CDK11B: variants seen among roughly 807,000 people sequenced by gnomAD.
CDK11B encodes the protein cyclin-dependent kinase 11B.
CDK11B carries 37 observed loss-of-function variants against 84.0 expected under a neutral mutation model. The observed-to-expected ratio is 0.44, with a 90% CI of 0.34 to 0.58. CDK11B has a LOEUF of 0.58. Among genes scored for constraint, CDK11B ranks in the 20% least tolerant of loss-of-function variants. The pLI, the probability that CDK11B is intolerant of heterozygous loss-of-function variation, is 0.02. For missense variants in CDK11B, 427 were observed against 834.0 expected (o/e 0.51, Z 6.01); for synonymous variants, 269 against 309.8 (o/e 0.87, Z 1.38).
At position 1,638,036 on chromosome 1, in the gene CDK11B, G is replaced by C. The variant is rs571296499; in HGVS notation, c.1343-153C>G. Among the ~76,000 whole-genome samples, 5 of 152,302 alleles carry C rather than the reference G, an allele frequency of 3.3e-5. No homozygotes were observed. In the South Asian group the frequency reaches 1.0e-3, roughly 32 times the overall value. ...AGGTGGGGGCACGTGGGCACCAGGAGAACGCCCCAGCTGAGGTCTGGGCAA... is the reference window on the plus strand; with the variant it reads ...AGGTGGGGGCACGTGGGCACCAGGACAACGCCCCAGCTGAGGTCTGGGCAA... On this transcript the variant is annotated intron_variant, in intron 12 of 19. Coordinates refer to ENST00000341832, the MANE Select transcript of CDK11B (RefSeq NM_033486.3).
rs1463473414 is a variant in CDK11B, at chr1:1,650,066, C to T, written c.356-429G>A. ...AGGTGGGCGGATCACAAGGTCAGAT[C>T]GGGACCATCCTGGCTAACACGGTGA... is the stretch of plus-strand genomic sequence containing the variant. On this transcript the variant is annotated intron_variant, in intron 4 of 19. Coordinates refer to ENST00000341832, the MANE Select transcript of CDK11B (RefSeq NM_033486.3). Among the ~76,000 whole-genome samples the T allele has an allele frequency of 1.5e-3, 229 of 150,472 alleles. 3 individuals are homozygous for T. In the East Asian group the frequency reaches 0.026, roughly 17 times the overall value.
Position 1,650,405 on chromosome 1 carries a change from G to C in CDK11B, c.356-768C>G, listed in dbSNP as rs1279476075. Among the ~76,000 whole-genome samples, 180 of 125,426 alleles carry C rather than the reference G, an allele frequency of 1.4e-3. 1 individual carries two copies. The highest frequency in any genetic ancestry group is 0.012 in the East Asian group (53 of 4,242). The allele number at this position is 125,426 out of a possible 152,430, so 82.3% of individuals were successfully genotyped here. A position where few individuals can be genotyped will look rare whatever the true frequency, so the allele number is the denominator to read the frequency against. Reference sequence around the variant, plus strand: ...TTTGGAGATGGAGTCTTGCTCTGTCGCCCAGGCTGGAGTGCAGTGGCGCAA... The same window carrying C: ...TTTGGAGATGGAGTCTTGCTCTGTCCCCCAGGCTGGAGTGCAGTGGCGCAA... On this transcript the variant is annotated intron_variant, in intron 4 of 19. Coordinates refer to ENST00000341832, the MANE Select transcript of CDK11B (RefSeq NM_033486.3).
chr1:1,636,700 C>T lies in CDK11B; in HGVS notation c.1899G>A (p.Gln633=). Residue 633 remains glutamine, a synonymous_variant, in exon 17 of 20, where the codon CAG becomes CAA. Coordinates refer to ENST00000341832, the MANE Select transcript of CDK11B (RefSeq NM_033486.3). ...GACCCACCTTGAACACCTTGTTGATCTGATCGATTTCTGACTTCCCGGGGA... is the reference window on the plus strand; with the variant it reads ...GACCCACCTTGAACACCTTGTTGATTTGATCGATTTCTGACTTCCCGGGGA... ...PLFPGKSEID[Q]INKVFKDLGT... is the part of the protein sequence containing the mutation. 1 of 1,614,020 alleles carries T rather than the reference C, an allele frequency of 6.2e-7. No individual in the cohort carries two copies. Among genetic ancestry groups the T allele is most frequent in the Non-Finnish European group, 8.5e-7 (1 of 1,179,880 alleles).
chr1:1,645,466 C>T (rs1640940196), intron 5 of CDK11B: 1 of 496,206 alleles, frequency 2.0e-6, no homozygotes, highest in African/African-American at 2.2e-5. Flanking sequence ...CAACCTCCGC[C>T]TCCCGGGTTC....
At chr1:1,638,093 A>C (rs1329543004) in intron 12 of CDK11B, among the ~76,000 whole-genome samples, 9 of 152,226 alleles carry the variant, frequency 5.9e-5, no homozygotes, top group African/African-American at 2.2e-4. Context: ...CACACCACAG[A>C]CACTCACAGC....
intron 3 of CDK11B, among the ~76,000 whole-genome samples, chr1:1,653,139 C>T (rs1475792923): frequency 6.6e-6 from 1 of 152,202 alleles, no homozygotes; most frequent in Non-Finnish European, 1.5e-5. Context: ...ATTCTCCTGC[C>T]TCTGCCTAAG....
At chr1:1,639,837 A>T (rs1040839240) in intron 11 of CDK11B, among the ~76,000 whole-genome samples, 1 of 152,002 alleles carries the variant, frequency 6.6e-6, no homozygotes, top group African/African-American at 2.4e-5. Flanking sequence ...GCCTAAGCAA[A>T]AGGCTTCTGG....
intron 11 of CDK11B, among the ~76,000 whole-genome samples, chr1:1,639,217 A>T (rs1639869823): frequency 6.6e-6 from 1 of 151,784 alleles, no homozygotes; most frequent in African/African-American, 2.4e-5. Flanking sequence ...CTGGGATTAC[A>T]GGTGTGAGCC....
In CDK11B at chr1:1,640,308, T is replaced by G; in HGVS notation, c.1220A>C (p.Gln407Pro). The G allele has an allele frequency of 6.2e-7, 1 of 1,613,654 alleles. No individual in the cohort carries two copies. The change falls in exon 11 of 20, where the codon CAG becomes CCG. Residue 407 changes from glutamine to proline, a missense_variant. Transcript: ENST00000341832. ...GGCCGGCAGGTACTTGGGCAGCTCC[T>G]GCTTGAGCTCGATGGGCGACAGGGC... ...SPALSPIELK[Q>P]ELPKYLPALQ...
intron 9 of CDK11B, among the ~76,000 whole-genome samples, 177 bp from the exon 10 acceptor site, chr1:1,641,290 CCT>C: frequency 6.8e-6 from 1 of 146,966 alleles, no homozygotes. Flanking sequence ...GGGTGGATCA[CCT>C]GAGGTCAGGA....
intron 17 of CDK11B, 91 bp from the exon 18 acceptor site, chr1:1,636,572 C>A: frequency 1.3e-6 from 2 of 1,572,122 alleles, no homozygotes; most frequent in South Asian, 2.3e-5. Flanking sequence ...ACCAGGAGGG[C>A]TCTCAGTGGC....
intron 3 of CDK11B, among the ~76,000 whole-genome samples, chr1:1,654,440 C>A (rs1054769250): frequency 6.6e-6 from 1 of 152,050 alleles, no homozygotes; most frequent in Non-Finnish European, 1.5e-5. Context: ...TTTAGTTTTT[C>A]TCATCTTCTT....
chr1:1,638,721 G>C (rs1193804815), intron 11 of CDK11B, 131 bp from the exon 12 acceptor site: 1 of 877,544 alleles, frequency 1.1e-6, no homozygotes, highest in African/African-American at 1.6e-5. Context: ...GCCGGGGGTG[G>C]AGCCGGGAGC....
intron 2 of CDK11B, 79 bp from the exon 3 acceptor site, chr1:1,655,563 T>G (rs1484741214): frequency 1.4e-6 from 2 of 1,466,628 alleles, no homozygotes; most frequent in African/African-American, 2.9e-5. Context: ...TTAATGATAA[T>G]CAAACCTGGG....
rs1295978790 is a variant in CDK11B, at chr1:1,636,777, T to A, written c.1822A>T (p.Met608Leu). Residue 608 changes from methionine to leucine, a missense_variant, in exon 17 of 20, where the codon ATG becomes TTG. Met to Leu is a conservative substitution (Grantham distance 15). Around this residue, in one of 12 missense-constraint regions of CDK11B, gnomAD observed 170 missense variants for 196.0 expected, o/e 0.87. Coordinates refer to ENST00000341832, the MANE Select transcript of CDK11B (RefSeq NM_033486.3). ...GAKEYSTAVD[M>L]WSVGCIFGEL... ...CCGAAGATGCAACCCACTGACCACA[T>A]GTCCACGGCCGTGGAGTATTCCTAA... The A allele has an allele frequency of 6.2e-7, 1 of 1,613,844 alleles. No homozygotes were observed.
At chr1:1,653,648 C>G (rs1438710028) in intron 3 of CDK11B, among the ~76,000 whole-genome samples, 1 of 151,930 alleles carries the variant, frequency 6.6e-6, no homozygotes, top group African/African-American at 2.4e-5. Flanking sequence ...ACAAGGGCAG[C>G]TCATTTTATG....
rs1227135602 is a variant in CDK11B at position 1,635,555 on chromosome 1, G to A, written c.*209C>T. The A allele has an allele frequency of 2.6e-5, 13 of 504,738 alleles. 2 individuals carry two copies. Among genetic ancestry groups the A allele is most frequent in the South Asian group, 4.5e-5 (2 of 44,546 alleles). 31.3% of individuals were successfully genotyped at this position (504,738 alleles called of 1,614,324 possible). A position where few individuals can be genotyped will look rare whatever the true frequency, so the allele number is the denominator to read the frequency against. ...GCACCCGAAGATGTCCACCCTCTCC[G>A]CCCTGGGCAAGTCACGGAGAAAACA... On this transcript the variant is annotated 3_prime_UTR_variant, in exon 20 of 20. Coordinates refer to ENST00000341832, the MANE Select transcript of CDK11B (RefSeq NM_033486.3).
intron 11 of CDK11B, among the ~76,000 whole-genome samples, chr1:1,638,888 C>G (rs1170215786): frequency 6.6e-6 from 1 of 151,526 alleles, no homozygotes; most frequent in Non-Finnish European, 1.5e-5. Flanking sequence ...ACTGCTTGAG[C>G]CCAGGAGTTC....
chr1:1,647,160 C>G (rs1450066994), intron 5 of CDK11B, among the ~76,000 whole-genome samples: 2 of 152,008 alleles, frequency 1.3e-5, no homozygotes, highest in African/African-American at 2.4e-5. Flanking sequence ...TTGTTTTTTT[C>G]TCTCTGTTCT....
Sources: allele counts gnomAD v4.1 joint callset (sites outside exome capture counted in the v4.1 genomes callset), GRCh38; gene constraint gnomAD v4.1.1; regional missense constraint gnomAD v4.1.1; transcripts MANE v1.5; gene names NCBI Gene and HGNC (gene_info 2026-07-23, HGNC 2026-07-21).